Variants in HSPA12B observed in about 807,000 individuals in gnomAD.
The protein encoded by HSPA12B is heat shock 70 kDa protein 12B.
Under a neutral mutation model 69.3 loss-of-function variants are expected in HSPA12B, and 54 were observed. The ratio of observed to expected loss-of-function variants is 0.78; its 90% CI spans 0.63 to 0.98. HSPA12B has a LOEUF of 0.98. HSPA12B is among the 50% of genes least tolerant of loss of function. HSPA12B has a pLI of 0.00. For missense variants in HSPA12B, 929 were observed against 999.8 expected, an observed-to-expected ratio of 0.93 and a Z score of 0.96; for synonymous variants, 441 against 436.5, an observed-to-expected ratio of 1.01 and a Z score of -0.13.
chr20:3,733,401 C>T (rs2088060961), intron 1 of HSPA12B, among the ~76,000 whole-genome samples: 1 of 152,076 alleles, frequency 6.6e-6, no homozygotes, highest in African/African-American at 2.4e-5. Flanking sequence ...AGGGACCCTC[C>T]GGAGAGCAGA....
intron 8 of HSPA12B, among the ~76,000 whole-genome samples, chr20:3,748,765 C>T (rs1463939641): frequency 1.3e-5 from 2 of 152,058 alleles, no homozygotes; most frequent in Admixed American, 1.3e-4. Flanking sequence ...GAAGTCAGCC[C>T]ACTGCATCAG....
At position 3,745,717 on chromosome 20, in the gene HSPA12B, G is replaced by A; in HGVS notation, c.558+120G>A. 2.0e-6 allele frequency: 2 copies of A among 990,318 alleles called. No homozygotes were observed. The highest frequency in any genetic ancestry group is 3.1e-6 in the Non-Finnish European group (2 of 638,584). The allele number at this position is 990,318 out of a possible 1,614,324, so 61.3% of individuals were successfully genotyped here. On this transcript the variant is annotated intron_variant, in intron 6 of 12. Transcript: ENST00000254963. This position sits in a 1 kb window ranked among gnomAD's most constrained non-coding sequence, Gnocchi z 5.6. ...GGGTAGCCACCGCCGGAGCTCAGAG[G>A]TCATCTTCTCCAGTACCCTCCTCCC... is the stretch of plus-strand genomic sequence containing the variant.
chr20:3,746,074 GC>G, intron 7 of HSPA12B, 43 bp downstream of exon 7: 1 of 1,466,408 alleles, frequency 6.8e-7, no homozygotes, highest in Non-Finnish European at 9.5e-7. Context: ...CTCAGGAAGG[GC>G]CAGGCCTGTC....
chr20:3,738,789 G>T, intron 2 of HSPA12B, 72 bp downstream of exon 2: 1 of 1,495,960 alleles, frequency 6.7e-7, no homozygotes, highest in Non-Finnish European at 9.3e-7. Flanking sequence ...CCACCTACAG[G>T]TTGTGCAATG....
In HSPA12B at chr20:3,748,334, G is replaced by A; in HGVS notation, c.793G>A (p.Ala265Thr). 2 of 1,610,410 alleles carry A rather than the reference G, an allele frequency of 1.2e-6. No homozygotes were observed. Among genetic ancestry groups the A allele is most frequent in the Non-Finnish European group, 1.7e-6 (2 of 1,178,438 alleles). The change falls in exon 8 of 13, where the codon GCC (alanine) becomes ACC (threonine). Residue 265 changes from alanine to threonine, a missense_variant. Ala to Thr is a moderately conservative substitution (Grantham distance 58). Around this residue, in one of 3 missense-constraint regions of HSPA12B, gnomAD observed 477 missense variants for 535.2 expected, o/e 0.89. Transcript: ENST00000254963. ...CCAGCTCCTGGACCTGAGTGGCCGG[G>A]CCCCAGGTGGTGGGCGCCTGGGTGA... ...LHQLLDLSGRAPGGGRLGERR... is the reference protein window; with the variant it reads ...LHQLLDLSGRTPGGGRLGERR...
In HSPA12B at chr20:3,752,031, C is replaced by G. The variant is rs1430375815; in HGVS notation, c.1926C>G (p.Asp642Glu). Residue 642 changes from aspartate to glutamate, a missense_variant, in exon 13 of 13, where the codon GAC (aspartate) becomes GAG (glutamate). Physicochemically the swap from Asp to Glu is conservative, Grantham distance 45. Transcript: ENST00000254963. ...TTGAGCCCGCCGACTGCGGCCAGGA[C>G]ACCGCCGGCGCGCCTCCCGGCCGCC... is the stretch of plus-strand genomic sequence containing the variant. ...LELEPADCGQ[D>E]TAGAPPGRRE... 6.4e-7 allele frequency: 1 copy of G among 1,556,826 alleles called. No homozygotes were observed. The highest frequency in any genetic ancestry group is 2.4e-5 in the East Asian group (1 of 42,504).
At position 3,740,918 on chromosome 20, in the gene HSPA12B, C is replaced by A. The variant is rs200057135; in HGVS notation, c.141+6C>A. The A allele has an allele frequency of 1.2e-6, 2 of 1,608,420 alleles. No homozygotes were observed. Among genetic ancestry groups the A allele is most frequent in the African/African-American group, 1.3e-5 (1 of 74,928 alleles). On this transcript the variant is annotated splice_donor_region_variant and intron_variant, in intron 3 of 12. Coordinates refer to ENST00000254963, the MANE Select transcript of HSPA12B (RefSeq NM_052970.5). This position sits in a 1 kb window ranked among gnomAD's most constrained non-coding sequence, Gnocchi z 4.9. ...TCACACCCTCGCAGTCTCCAGTAAG[C>A]CCAGAGCAGGGACCAGGTGGTGGGT...
At position 3,751,992 on chromosome 20, in the gene HSPA12B, G is replaced by C. The variant is rs765850912; in HGVS notation, c.1887G>C (p.Ala629=). 1.9e-6 allele frequency: 3 copies of C among 1,568,190 alleles called. No homozygotes were observed. In the African/African-American group the frequency reaches 4.1e-5, roughly 21 times the overall value. The change falls in exon 13 of 13, where the codon GCG becomes GCC. Residue 629 remains alanine, a synonymous_variant. Transcript: ENST00000254963. ...ITDPGVRKCG[A]LSLELEPADC... is the part of the protein sequence containing the mutation. The stretch of plus-strand genomic sequence containing the variant: ...ACCCCGGCGTGCGCAAATGCGGCGC[G>C]CTCAGCCTCGAGCTTGAGCCCGCCG...
At position 3,745,652 on chromosome 20, in the gene HSPA12B, C is replaced by A; in HGVS notation, c.558+55C>A. 1 of 1,491,504 alleles carries A rather than the reference C, an allele frequency of 6.7e-7. No individual in the cohort carries two copies. The highest frequency in any genetic ancestry group is 9.3e-7 in the Non-Finnish European group (1 of 1,073,492). 92.4% of individuals were successfully genotyped at this position (1,491,504 alleles called of 1,614,324 possible). On this transcript the variant is annotated intron_variant, in intron 6 of 12. Coordinates refer to ENST00000254963, the MANE Select transcript of HSPA12B (RefSeq NM_052970.5). The surrounding 1 kb of genome is among the most constrained non-coding windows in gnomAD (Gnocchi z 5.6). The stretch of plus-strand genomic sequence containing the variant: ...TGGCAGGGACCCCCTATTTTCCCCT[C>A]ATCCGAAACCGCTCCCCCATCCCGT...
chr20:3,750,904 A>G lies in HSPA12B; in HGVS notation c.1402A>G (p.Ile468Val), dbSNP rs1210547273. The G allele has an allele frequency of 1.2e-6, 2 of 1,613,852 alleles. No homozygotes were observed. Among genetic ancestry groups the G allele is most frequent in the South Asian group, 2.2e-5 (2 of 91,086 alleles). Residue 468 changes from isoleucine to valine, a missense_variant, in exon 12 of 13, where the codon ATA becomes GTA. Around this residue, in one of 3 missense-constraint regions of HSPA12B, gnomAD observed 448 missense variants for 448.1 expected, o/e 1.00. Coordinates refer to ENST00000254963, the MANE Select transcript of HSPA12B (RefSeq NM_052970.5). ...CACCGTCAGCGGGATCATCCAGCAC[A>G]TAGGTGAGCACCTGAGCTTGGTCCC... The part of the protein sequence containing the change: ...QPTVSGIIQH[I>V]EALLARPEVQ...
chr20:3,734,747 T>C (rs923042174), intron 1 of HSPA12B, among the ~76,000 whole-genome samples: 3 of 150,492 alleles, frequency 2.0e-5, no homozygotes, highest in Admixed American at 6.6e-5. Flanking sequence ...ATTTTTTTTT[T>C]TTTTTTTTTG....
chr20:3,749,383 G>T lies in HSPA12B; in HGVS notation c.937+65G>T. Reference sequence around the variant, plus strand: ...ACCGGGCACCATATACTGATGGGGGGAAGGGCATGTTTGCAAAGCCCGTCT... The same window carrying T: ...ACCGGGCACCATATACTGATGGGGGTAAGGGCATGTTTGCAAAGCCCGTCT... On this transcript the variant is annotated intron_variant, in intron 9 of 12. Coordinates refer to ENST00000254963, the MANE Select transcript of HSPA12B (RefSeq NM_052970.5). This position sits in a 1 kb window ranked among gnomAD's most constrained non-coding sequence, Gnocchi z 5.5. 1.4e-6 allele frequency: 2 copies of T among 1,413,034 alleles called. No homozygotes were observed. Among genetic ancestry groups the T allele is most frequent in the Non-Finnish European group, 2.0e-6 (2 of 1,013,436 alleles). The allele number at this position is 1,413,034 out of a possible 1,614,324, so 87.5% of individuals were successfully genotyped here. A position where few individuals can be genotyped will look rare whatever the true frequency, so the allele number is the denominator to read the frequency against.
chr20:3,741,616 G>C (rs1007197216), intron 3 of HSPA12B, among the ~76,000 whole-genome samples: 2 of 152,228 alleles, frequency 1.3e-5, no homozygotes, highest in African/African-American at 4.8e-5. Flanking sequence ...CTAGGTGACA[G>C]AGTGAGACCC....
rs889979859 is a variant in HSPA12B, at chr20:3,752,369, G to A, written c.*203G>A. The A allele has an allele frequency of 3.9e-6, 2 of 507,556 alleles. No homozygotes were observed. The highest frequency in any genetic ancestry group is 6.6e-6 in the Non-Finnish European group (2 of 301,952). 31.4% of individuals were successfully genotyped at this position (507,556 alleles called of 1,614,324 possible). A position where few individuals can be genotyped will look rare whatever the true frequency, so the allele number is the denominator to read the frequency against. ...TGGCTTTGGGATTGGGCACTGGTCC[G>A]CTGACTGCCAGGCTGAAGGGACCCG... On this transcript the variant is annotated 3_prime_UTR_variant, in exon 13 of 13. Transcript: ENST00000254963.
In HSPA12B at chr20:3,752,002, G is replaced by C; in HGVS notation, c.1897G>C (p.Glu633Gln). The change falls in exon 13 of 13, where the codon GAG becomes CAG. Residue 633 changes from glutamate (E) to glutamine (Q), a missense_variant. By Grantham distance (29) the Glu-to-Gln change is conservative. Coordinates refer to ENST00000254963, the MANE Select transcript of HSPA12B (RefSeq NM_052970.5). The part of the protein sequence containing the change: ...GVRKCGALSL[E>Q]LEPADCGQDT... ...GCGCAAATGCGGCGCGCTCAGCCTC[G>C]AGCTTGAGCCCGCCGACTGCGGCCA... 4 of 1,568,054 alleles carry C rather than the reference G, an allele frequency of 2.6e-6. No homozygotes were observed. The highest frequency in any genetic ancestry group is 2.3e-5 in the East Asian group (1 of 42,720).
chr20:3,751,023 A>C (rs2088410801), intron 12 of HSPA12B, 116 bp downstream of exon 12: 1 of 917,974 alleles, frequency 1.1e-6, no homozygotes, highest in Non-Finnish European at 1.7e-6. Flanking sequence ...GATGAGACCT[A>C]GAATCATCTA....
intron 8 of HSPA12B, 97 bp downstream of exon 8, chr20:3,748,488 C>G: frequency 8.3e-7 from 1 of 1,205,540 alleles, no homozygotes; most frequent in Non-Finnish European, 1.1e-6. Context: ...GAGAGGGTAC[C>G]CACCCTGGAG....
chr20:3,734,006 C>G (rs763339721), intron 1 of HSPA12B, among the ~76,000 whole-genome samples: 2 of 152,200 alleles, frequency 1.3e-5, no homozygotes, highest in Non-Finnish European at 2.9e-5. Context: ...AGGATTCTGT[C>G]AGGCAAAGGG....
intron 7 of HSPA12B, among the ~76,000 whole-genome samples, chr20:3,746,966 C>T (rs946471700): frequency 6.6e-6 from 1 of 152,188 alleles, no homozygotes; most frequent in Non-Finnish European, 1.5e-5. Context: ...ATTCACTTCA[C>T]TTGGCATCAG....
Sources: gnomAD v4.1 joint callset for allele counts (sites outside exome capture counted in the v4.1 genomes callset) on GRCh38, gnomAD v4.1.1 for gene constraint, gnomAD v4.1.1 regional missense constraint, Gnocchi (gnomAD v3.1) non-coding constraint, MANE v1.5 for transcripts, NCBI Gene and HGNC (gene_info 2026-07-23, HGNC 2026-07-21) for gene names.